PRKG1: variants seen among roughly 807,000 people sequenced by gnomAD.
The protein encoded by PRKG1 is cGMP-dependent protein kinase 1.
PRKG1 carries 35 observed loss-of-function variants against 88.1 expected under a neutral mutation model. The ratio of observed to expected loss-of-function variants is 0.40; its 90% CI spans 0.30 to 0.53. The LOEUF is 0.53. Among genes scored for constraint, PRKG1 ranks in the 20% least tolerant of loss-of-function variants. The probability of loss-of-function intolerance (pLI) is 0.59; values close to 1 mark genes in which losing one functional copy is unlikely to be tolerated. For synonymous variants in PRKG1, 303 were observed against 292.5 expected (o/e 1.04, Z -0.37); for missense variants, 540 against 839.8 (o/e 0.64, Z 4.41).
intron 3 of PRKG1, among the ~76,000 whole-genome samples, chr10:51,611,854 T>C (rs1203822740): frequency 2.6e-5 from 4 of 152,164 alleles, no homozygotes; most frequent in Admixed American, 2.6e-4. Flanking sequence ...CTTCTGCATA[T>C]GGTTAACCAG....
chr10:51,803,083 C>T (rs1839217339), intron 3 of PRKG1, among the ~76,000 whole-genome samples: 1 of 152,096 alleles, frequency 6.6e-6, no homozygotes, highest in African/African-American at 2.4e-5. Context: ...CTTAGGAATC[C>T]TCTCCTGATT....
intron 1 of PRKG1, among the ~76,000 whole-genome samples, chr10:51,095,691 T>G (rs1390340940): frequency 6.6e-6 from 1 of 152,294 alleles, no homozygotes; most frequent in Non-Finnish European, 1.5e-5. Context: ...TACTCAGTAC[T>G]GGGGAACTGC....
chr10:51,763,825 G>A (rs944488934), intron 3 of PRKG1, among the ~76,000 whole-genome samples: 11 of 152,278 alleles, frequency 7.2e-5, no homozygotes, highest in Non-Finnish European at 1.6e-4. Flanking sequence ...GGCCTTCTTA[G>A]TGGTGGGAAG....
At chr10:51,370,789 G>A (rs1449400037) in intron 2 of PRKG1, among the ~76,000 whole-genome samples, 1 of 151,844 alleles carries the variant, frequency 6.6e-6, no homozygotes, top group African/African-American at 2.4e-5. Context: ...TTTTACATGA[G>A]GTTTTTTTTC....
intron 1 of PRKG1, among the ~76,000 whole-genome samples, chr10:51,004,099 A>G (rs4935210): frequency 0.27 from 40,654 of 152,070 alleles, 5,527 homozygotes; most frequent in Admixed American, 0.32. Context: ...TTAATATTTG[A>G]CTTTTTTAGT....
chr10:51,080,524 A>G (rs1341601137), intron 1 of PRKG1, among the ~76,000 whole-genome samples: 1 of 152,106 alleles, frequency 6.6e-6, no homozygotes, highest in East Asian at 1.9e-4. Context: ...TCTTTCTGCC[A>G]TCTCTACCAT....
chr10:51,318,284 A>G (rs2132503306), intron 2 of PRKG1, among the ~76,000 whole-genome samples: 1 of 152,310 alleles, frequency 6.6e-6, no homozygotes, highest in South Asian at 2.1e-4. Context: ...ATAAAATGTC[A>G]TAAGGATTTG....
chr10:51,216,476 A>G (rs956654123), intron 2 of PRKG1, among the ~76,000 whole-genome samples: 1 of 152,212 alleles, frequency 6.6e-6, no homozygotes, highest in Non-Finnish European at 1.5e-5. Context: ...TAAACAAGTT[A>G]CTTAACTTCT....
chr10:51,400,953 G>A lies in PRKG1; in HGVS notation c.479-66770G>A, dbSNP rs565475543. Among the ~76,000 whole-genome samples the A allele has an allele frequency of 7.9e-5, 12 of 152,252 alleles. No individual in the cohort carries two copies. The South Asian group carries it at 8.3e-4, about 11-fold the overall frequency. ...TGAGAAGTTTGCTACATCTGGGACC[G>A]ACTACTACATACGATTCTTCTCAAC... On this transcript the variant is annotated intron_variant, in intron 2 of 17. Transcript: ENST00000373980.
chr10:51,210,486 A>G (rs1838184245), intron 2 of PRKG1, among the ~76,000 whole-genome samples: 1 of 152,218 alleles, frequency 6.6e-6, no homozygotes, highest in Non-Finnish European at 1.5e-5. Context: ...TGAAGGAAAT[A>G]GAGACACAAA....
chr10:51,248,413 AT>A (rs999007951), intron 2 of PRKG1, among the ~76,000 whole-genome samples: 2 of 151,888 alleles, frequency 1.3e-5, no homozygotes, highest in Non-Finnish European at 2.9e-5. Flanking sequence ...TATTAAAAAA[AT>A]CGCTCTTTTA....
chr10:51,449,048 A>G lies in PRKG1; in HGVS notation c.479-18675A>G, dbSNP rs144849520. On this transcript the variant is annotated intron_variant, in intron 2 of 17. Coordinates refer to ENST00000373980, the MANE Select transcript of PRKG1 (RefSeq NM_006258.4). ...TGAATATAGAAATCTCTATAAATGAATTTTTAAGCTACCTCACCTAATATA... is the reference window on the plus strand; with the variant it reads ...TGAATATAGAAATCTCTATAAATGAGTTTTTAAGCTACCTCACCTAATATA... Among the ~76,000 whole-genome samples the G allele has an allele frequency of 1.7e-3, 258 of 152,110 alleles. 1 individual carries two copies. Among genetic ancestry groups the G allele is most frequent in the Middle Eastern group, 0.014 (4 of 294 alleles).
rs1374064871 is a variant in PRKG1, at chr10:51,138,682, T to G, written c.312-14482T>G. Among the ~76,000 whole-genome samples, 393 of 127,074 alleles carry G rather than the reference T, an allele frequency of 3.1e-3. 3 individuals are homozygous for G. Among genetic ancestry groups the G allele is most frequent in the African/African-American group, 9.2e-3 (317 of 34,580 alleles). The allele number at this position is 127,074 out of a possible 152,430, so 83.4% of individuals were successfully genotyped here. On this transcript the variant is annotated intron_variant, in intron 1 of 17. Coordinates refer to ENST00000373980, the MANE Select transcript of PRKG1 (RefSeq NM_006258.4). ...TTTTGGACATTGAGTTTTGTTTTTT[T>G]TTTTTTTTTTTTTTTTTTTGAGACA...
intron 3 of PRKG1, among the ~76,000 whole-genome samples, chr10:51,766,862 T>A (rs1589270143): frequency 6.6e-6 from 1 of 152,206 alleles, no homozygotes; most frequent in African/African-American, 2.4e-5. Context: ...TTTTTTACTT[T>A]GTTCACTCTT....
Position 51,723,017 on chromosome 10 carries a change from G to A in PRKG1, c.593-81568G>A, listed in dbSNP as rs983040545. 2.0e-5 allele frequency among the ~76,000 whole-genome samples: 3 copies of A among 152,260 alleles called. No homozygotes were observed. The South Asian group carries it at 6.2e-4, about 32-fold the overall frequency. Reference sequence around the variant, plus strand: ...TAGAAGTTTTCTTTCATGAAAGTATGATAACATCAGGTTTTGGCTCTTTTA... The same window carrying A: ...TAGAAGTTTTCTTTCATGAAAGTATAATAACATCAGGTTTTGGCTCTTTTA... On this transcript the variant is annotated intron_variant, in intron 3 of 17. Transcript: ENST00000373980.
intron 9 of PRKG1, among the ~76,000 whole-genome samples, chr10:52,172,093 C>T (rs1008764006): frequency 1.3e-5 from 2 of 152,118 alleles, no homozygotes; most frequent in Admixed American, 6.5e-5. Context: ...TGAGCCACCG[C>T]GCCCGGCCTA....
intron 2 of PRKG1, among the ~76,000 whole-genome samples, chr10:51,275,503 C>T (rs934463461): frequency 1.3e-5 from 2 of 152,076 alleles, no homozygotes; most frequent in South Asian, 2.1e-4. Flanking sequence ...AAAGGGAGTG[C>T]GTTTAAGGCT....
intron 3 of PRKG1, among the ~76,000 whole-genome samples, chr10:51,631,219 C>T (rs989163586): frequency 6.6e-6 from 1 of 152,134 alleles, no homozygotes; most frequent in Admixed American, 6.5e-5. Flanking sequence ...CTTTCCCCCT[C>T]TTCAAAGAAA....
At chr10:52,290,151 A>G (rs1842208215) in intron 16 of PRKG1, 73 bp from the exon 17 acceptor site, 3 of 1,286,368 alleles carry the variant, frequency 2.3e-6, no homozygotes, top group Non-Finnish European at 3.3e-6. Context: ...TTAGCCATGG[A>G]CATTGTATAC....
Sources: allele counts gnomAD v4.1 joint callset (sites outside exome capture counted in the v4.1 genomes callset), GRCh38; gene constraint gnomAD v4.1.1; transcripts MANE v1.5; gene names NCBI Gene and HGNC (gene_info 2026-07-23, HGNC 2026-07-21).